Variants in RBBP4 observed in about 807,000 individuals in gnomAD.
RBBP4 encodes RB binding protein 4, chromatin remodeling factor.
A neutral mutation model predicts 57.2 loss-of-function variants in RBBP4; 3 were observed. That is an observed-to-expected ratio of 0.05 (90% CI 0.02 to 0.14). The LOEUF is 0.14. Among genes scored for constraint, RBBP4 ranks in the 10% least tolerant of loss-of-function variants. The pLI, the probability that RBBP4 is intolerant of heterozygous loss-of-function variation, is 1.00. For missense variants in RBBP4, 107 were observed against 520.6 expected, an observed-to-expected ratio of 0.21 and a Z score of 7.73; for synonymous variants, 151 against 171.5, an observed-to-expected ratio of 0.88 and a Z score of 0.93.
intron 3 of RBBP4, among the ~76,000 whole-genome samples, chr1:32,667,908 AATG>A (rs1215188015): frequency 3.3e-5 from 5 of 152,214 alleles, no homozygotes; most frequent in African/African-American, 1.2e-4. Flanking sequence ...GTTCGGGGAT[AATG>A]ATGAGGGGGA....
intron 11 of RBBP4, among the ~76,000 whole-genome samples, chr1:32,675,685 C>T (rs552948827): frequency 2.0e-5 from 3 of 152,104 alleles, no homozygotes; most frequent in South Asian, 2.1e-4. Flanking sequence ...AGGAGAATGG[C>T]GTGAACCCGG....
rs770653506 is a variant in RBBP4 at position 32,684,416 on chromosome 1, C to T, written c.*4711C>T. ...GATGGCCAAGAACATTTCTAATGAG[C>T]CAAACAATAAAAACTCACATTGTCC... On this transcript the variant is annotated 3_prime_UTR_variant, in exon 12 of 12. Transcript: ENST00000373493. The T allele has an allele frequency of 3.7e-6, 6 of 1,613,062 alleles. No individual in the cohort carries two copies. Among genetic ancestry groups the T allele is most frequent in the Non-Finnish European group, 5.1e-6 (6 of 1,179,632 alleles).
intron 2 of RBBP4, among the ~76,000 whole-genome samples, chr1:32,652,751 G>A (rs1353619277): frequency 6.6e-6 from 1 of 152,086 alleles, no homozygotes; most frequent in Non-Finnish European, 1.5e-5. Flanking sequence ...TACCATGTGG[G>A]ACAGGCTGGT....
chr1:32,664,512 G>C (rs1027547968), intron 3 of RBBP4, among the ~76,000 whole-genome samples: 6 of 151,976 alleles, frequency 3.9e-5, no homozygotes, highest in African/African-American at 1.4e-4. Flanking sequence ...GAGTGTAGTC[G>C]TGCAATCTTG....
chr1:32,684,379 G>C lies in RBBP4; in HGVS notation c.*4674G>C. 1.2e-6 allele frequency: 2 copies of C among 1,614,160 alleles called. No homozygotes were observed. Among genetic ancestry groups the C allele is most frequent in the Non-Finnish European group, 1.7e-6 (2 of 1,180,036 alleles). ...TGGCGTTCTTCCATTTCCTCCAGCTGTTCCTGCATGAGATGGCCAAGAACA... is the reference window on the plus strand; with the variant it reads ...TGGCGTTCTTCCATTTCCTCCAGCTCTTCCTGCATGAGATGGCCAAGAACA... On this transcript the variant is annotated 3_prime_UTR_variant, in exon 12 of 12. Coordinates refer to ENST00000373493, the MANE Select transcript of RBBP4 (RefSeq NM_005610.3).
rs1442310008 is a variant in RBBP4 at position 32,667,718 on chromosome 1, G to A, written c.311-507G>A. Among the ~76,000 whole-genome samples the A allele has an allele frequency of 3.9e-5, 6 of 152,180 alleles. No homozygotes were observed. In the South Asian group the frequency reaches 6.2e-4, roughly 16 times the overall value. On this transcript the variant is annotated intron_variant, in intron 3 of 11. Transcript: ENST00000373493. ...ATAATACAGCCATCCCTCAGAATCC[G>A]TGGGGAATTGTTTCCAAGACCTCCT...
In RBBP4 at chr1:32,651,297, C is replaced by G. The variant is rs1647583714; in HGVS notation, c.-10C>G. On this transcript the variant is annotated 5_prime_UTR_variant, in exon 1 of 12. Transcript: ENST00000373493. ...TCGACCCCAGGATTCCCCCGGCTCG[C>G]CTGCCCGCCATGGCCGACAAGGAAG... 6.8e-7 allele frequency: 1 copy of G among 1,480,318 alleles called. No homozygotes were observed. Among genetic ancestry groups the G allele is most frequent in the African/African-American group, 1.5e-5 (1 of 67,886 alleles). The allele number at this position is 1,480,318 out of a possible 1,614,324, so 91.7% of individuals were successfully genotyped here.
intron 11 of RBBP4, among the ~76,000 whole-genome samples, chr1:32,675,536 G>A (rs1276313478): frequency 5.9e-5 from 9 of 151,440 alleles, no homozygotes; most frequent in African/African-American, 1.5e-4. Context: ...TTGGGAGGCC[G>A]AGGCGGGTGG....
chr1:32,671,961 T>C (rs972256286), intron 8 of RBBP4, among the ~76,000 whole-genome samples: 2 of 152,018 alleles, frequency 1.3e-5, no homozygotes, highest in Non-Finnish European at 2.9e-5. Flanking sequence ...TCTAGAAATG[T>C]CTAGTAATGG....
At chr1:32,668,423 A>G in intron 4 of RBBP4, 25 bp downstream of exon 4, 1 of 1,540,368 alleles carries the variant, frequency 6.5e-7, no homozygotes, top group Non-Finnish European at 8.9e-7. Context: ...CTATTCAAAT[A>G]CAAATGAGTC....
At chr1:32,678,920 A>T (rs563779220) in intron 11 of RBBP4, among the ~76,000 whole-genome samples, 51 of 152,066 alleles carry the variant, frequency 3.4e-4, no homozygotes, top group Non-Finnish European at 5.3e-4. Context: ...ATAATATTCC[A>T]TCATATGGAT....
chr1:32,671,453 C>T (rs1648870822), intron 8 of RBBP4, among the ~76,000 whole-genome samples: 1 of 152,046 alleles, frequency 6.6e-6, no homozygotes, highest in Non-Finnish European at 1.5e-5. Flanking sequence ...CATGGTGGTG[C>T]ACGCCTGTAA....
At chr1:32,672,148 C>G (rs1465595375) in intron 8 of RBBP4, among the ~76,000 whole-genome samples, 1 of 151,970 alleles carries the variant, frequency 6.6e-6, no homozygotes, top group South Asian at 2.1e-4. Flanking sequence ...TGCCACCACA[C>G]CCAGCTAATT....
chr1:32,675,441 A>G (rs1390880559), intron 11 of RBBP4, among the ~76,000 whole-genome samples: 1 of 151,916 alleles, frequency 6.6e-6, no homozygotes, highest in Non-Finnish European at 1.5e-5. Flanking sequence ...TCCAAATACC[A>G]TCACAACATT....
In RBBP4 at chr1:32,661,301, C is replaced by CTTTTTTTTTTTTTT. The variant is rs370489912; in HGVS notation, c.310+3729_310+3730insTTTTTTTTTTTTTT. Among the ~76,000 whole-genome samples the CTTTTTTTTTTTTTT allele has an allele frequency of 3.0e-5, 4 of 132,106 alleles. 2 individuals carry two copies. Among genetic ancestry groups the CTTTTTTTTTTTTTT allele is most frequent in the Non-Finnish European group, 6.2e-5 (4 of 64,962 alleles). The allele number at this position is 132,106 out of a possible 152,430, so 86.7% of individuals were successfully genotyped here. On this transcript the variant is annotated intron_variant, in intron 3 of 11. Coordinates refer to ENST00000373493, the MANE Select transcript of RBBP4 (RefSeq NM_005610.3). The stretch of plus-strand genomic sequence containing the variant: ...TTGAATGGTAGTTCTATTTTTAGTT[C>CTTTTTTTTTTTTTT]CTTTTTTTTTTTTTTTGAGATGGAG...
Position 32,669,267 on chromosome 1 carries a change from C to A in RBBP4, c.798C>A (p.Ser266Arg), listed in dbSNP as rs1356672943. The change falls in exon 7 of 12, where the codon AGC becomes AGA. Residue 266 changes from serine to arginine, a missense_variant. Ser to Arg is a moderately radical substitution (Grantham distance 110, BLOSUM62 -1). Around this residue, in one of 3 missense-constraint regions of RBBP4, gnomAD observed 92 missense variants for 408.5 expected, o/e 0.23. Coordinates refer to ENST00000373493, the MANE Select transcript of RBBP4 (RefSeq NM_005610.3). The surrounding 1 kb of genome is among the most constrained non-coding windows in gnomAD (Gnocchi z 4.9). ...DTRSNNTSKPSHSVDAHTAEV... is the reference protein window; with the variant it reads ...DTRSNNTSKPRHSVDAHTAEV... ...GTTCAAACAATACTTCCAAACCAAG[C>A]CACTCAGTTGATGCTCACACTGCTG... 9 of 1,612,714 alleles carry A rather than the reference C, an allele frequency of 5.6e-6. No individual in the cohort carries two copies. In the Admixed American group the frequency reaches 1.5e-4, roughly 27 times the overall value.
At position 32,683,285 on chromosome 1, in the gene RBBP4, A is replaced by C. The variant is rs1330558365; in HGVS notation, c.*3580A>C. The C allele has an allele frequency of 6.7e-6, 1 of 149,110 alleles. No homozygotes were observed. Among genetic ancestry groups the C allele is most frequent in the Non-Finnish European group, 1.5e-5 (1 of 67,230 alleles). The allele number at this position is 149,110 out of a possible 1,614,324, so 9.2% of individuals were successfully genotyped here. ...GTCTCAAAAAAAAAAAAAAAAAAAA[A>C]GAGTAAGTCTGTGTAACATGAACAT... On this transcript the variant is annotated 3_prime_UTR_variant, in exon 12 of 12. Transcript: ENST00000373493.
Position 32,684,239 on chromosome 1 carries a change from T to C in RBBP4, c.*4534T>C, listed in dbSNP as rs779069503. 6.2e-7 allele frequency: 1 copy of C among 1,614,182 alleles called. No individual in the cohort carries two copies. Among genetic ancestry groups the C allele is most frequent in the South Asian group, 1.1e-5 (1 of 91,082 alleles). On this transcript the variant is annotated 3_prime_UTR_variant, in exon 12 of 12. Transcript: ENST00000373493. The stretch of plus-strand genomic sequence containing the variant: ...CTCAGCCAGTATTAGATGAGATTTG[T>C]ATAGCAGCAGAAACTGACTTATAAG...
At chr1:32,652,228 G>T in intron 2 of RBBP4, 167 bp downstream of exon 2, 1 of 758,858 alleles carries the variant, frequency 1.3e-6, no homozygotes, top group South Asian at 2.2e-5. Context: ...AAATGATTTT[G>T]TAACTTACCT....
Sources: gnomAD v4.1 joint callset for allele counts (sites outside exome capture counted in the v4.1 genomes callset) on GRCh38, gnomAD v4.1.1 for gene constraint, gnomAD v4.1.1 regional missense constraint, Gnocchi (gnomAD v3.1) non-coding constraint, MANE v1.5 for transcripts, NCBI Gene and HGNC (gene_info 2026-07-23, HGNC 2026-07-21) for gene names.